The following SLC1A2 variants were observed in gnomAD, a reference collection of about 807,000 sequenced individuals.
SLC1A2 encodes excitatory amino acid transporter 2.
Under a neutral mutation model 48.8 loss-of-function variants are expected in SLC1A2, and 15 were observed. The observed-to-expected ratio is 0.31, with a 90% CI of 0.21 to 0.47. SLC1A2 has a LOEUF of 0.47. Ranked by LOEUF, SLC1A2 falls within the 20% of genes least tolerant of loss-of-function variation. The pLI is 0.99. For missense variants in SLC1A2, 502 were observed against 730.5 expected, an observed-to-expected ratio of 0.69 and a Z score of 3.61; for synonymous variants, 279 against 272.6, an observed-to-expected ratio of 1.02 and a Z score of -0.23.
At chr11:35,343,146 T>C in intron 1 of SLC1A2, among the ~76,000 whole-genome samples, 1 of 152,192 alleles carries the variant, frequency 6.6e-6, no homozygotes, top group Non-Finnish European at 1.5e-5. Context: ...TGCAGGAGAA[T>C]AGAAGCAGTT....
At chr11:35,287,286 C>CAAA (rs201920308) in intron 7 of SLC1A2, among the ~76,000 whole-genome samples, 1 of 121,522 alleles carries the variant, frequency 8.2e-6, no homozygotes, top group Non-Finnish European at 1.8e-5. Flanking sequence ...AATTGGGTTG[C>CAAA]AAAAAAAAAA....
chr11:35,263,567 C>T (rs574200075), intron 10 of SLC1A2, among the ~76,000 whole-genome samples: 1 of 152,282 alleles, frequency 6.6e-6, no homozygotes, highest in African/African-American at 2.4e-5. Flanking sequence ...CACGCCCACA[C>T]CTTCTTTTTC....
chr11:35,268,909 C>T (rs1850185293), intron 9 of SLC1A2, among the ~76,000 whole-genome samples: 1 of 152,166 alleles, frequency 6.6e-6, no homozygotes, highest in Non-Finnish European at 1.5e-5. Context: ...CACCCTGGAA[C>T]CACACAGCCC....
chr11:35,389,955 T>C (rs1854710272), intron 1 of SLC1A2, among the ~76,000 whole-genome samples: 1 of 152,218 alleles, frequency 6.6e-6, no homozygotes, highest in Admixed American at 6.5e-5. Flanking sequence ...GGATTTCTGT[T>C]TGCTATCTGT....
chr11:35,284,580 T>C (rs1195130537), intron 8 of SLC1A2, among the ~76,000 whole-genome samples: 4 of 151,128 alleles, frequency 2.6e-5, no homozygotes, highest in African/African-American at 7.3e-5. Flanking sequence ...TTAAACATGG[T>C]GAATTTTTTC....
At chr11:35,264,744 G>A (rs1950452004) in intron 10 of SLC1A2, 1 of 152,166 alleles carries the variant, frequency 6.6e-6, no homozygotes, top group Admixed American at 6.5e-5. Flanking sequence ...CACTTTTGGA[G>A]CAAGGTACTC....
At chr11:35,376,445 T>C (rs114727675) in intron 1 of SLC1A2, among the ~76,000 whole-genome samples, 2,438 of 152,284 alleles carry the variant, frequency 0.016, 60 homozygotes, top group African/African-American at 0.056. Context: ...TACGATACCA[T>C]TAAAGGAAGC....
intron 8 of SLC1A2, chr11:35,285,250 C>T (rs1850774985): frequency 6.6e-6 from 1 of 152,250 alleles, no homozygotes; most frequent in Non-Finnish European, 1.5e-5. Context: ...CACCCATAGC[C>T]ATGAGACCTA....
chr11:35,274,274 C>T (rs952806508), intron 9 of SLC1A2, among the ~76,000 whole-genome samples: 14 of 152,098 alleles, frequency 9.2e-5, no homozygotes, highest in Non-Finnish European at 1.8e-4. Flanking sequence ...GATTTTGCTG[C>T]GCAGAACTAT....
At chr11:35,291,914 C>T (rs1851022116) in intron 7 of SLC1A2, 1 of 186,584 alleles carries the variant, frequency 5.4e-6, no homozygotes, top group African/African-American at 2.4e-5. Flanking sequence ...TTTGTGATAG[C>T]ATTTTCCAAA....
Position 35,260,627 on chromosome 11 carries a change from C to G in SLC1A2, c.*267G>C. The G allele has an allele frequency of 2.4e-6, 1 of 424,456 alleles. No individual in the cohort carries two copies. The highest frequency in any genetic ancestry group is 4.3e-6 in the Non-Finnish European group (1 of 234,652). The allele number at this position is 424,456 out of a possible 1,614,324, so 26.3% of individuals were successfully genotyped here. On this transcript the variant is annotated 3_prime_UTR_variant, in exon 11 of 11. Coordinates refer to ENST00000278379, the MANE Select transcript of SLC1A2 (RefSeq NM_004171.4). ...AGGGAAGCTGGCAAGAACGTGTCTT[C>G]AATTCCAACTGATTCCTCCAGCAGC...
intron 1 of SLC1A2, among the ~76,000 whole-genome samples, chr11:35,357,840 T>C (rs1853537476): frequency 6.6e-6 from 1 of 152,152 alleles, no homozygotes; most frequent in Non-Finnish European, 1.5e-5. Context: ...GTTTAAGTTC[T>C]TTTTCTTTAA....
chr11:35,392,865 T>C (rs1031076802), intron 1 of SLC1A2, among the ~76,000 whole-genome samples: 1 of 152,242 alleles, frequency 6.6e-6, no homozygotes, highest in East Asian at 1.9e-4. Context: ...GTCTCAACTT[T>C]AGGTGTTTCA....
In SLC1A2 at chr11:35,257,735, C is replaced by A. The variant is rs1229495950; in HGVS notation, c.*3159G>T. 6.6e-6 allele frequency: 1 copy of A among 152,164 alleles called. No homozygotes were observed. The highest frequency in any genetic ancestry group is 1.9e-4 in the East Asian group (1 of 5,198). The allele number at this position is 152,164 out of a possible 1,614,324, so 9.4% of individuals were successfully genotyped here. On this transcript the variant is annotated 3_prime_UTR_variant, in exon 11 of 11. Transcript: ENST00000278379. Reference sequence around the variant, plus strand: ...GAATGAGAAAGAGAAGAATTAAAGTCTACTTAGTTGGTTTTCTCCTGAAAT... The same window carrying A: ...GAATGAGAAAGAGAAGAATTAAAGTATACTTAGTTGGTTTTCTCCTGAAAT...
chr11:35,375,678 G>A (rs938277631), intron 1 of SLC1A2, among the ~76,000 whole-genome samples: 5 of 152,186 alleles, frequency 3.3e-5, no homozygotes, highest in Non-Finnish European at 7.4e-5. Flanking sequence ...ACTCTGGTCA[G>A]AGCCACACAA....
chr11:35,275,506 A>G (rs560313226), intron 9 of SLC1A2, among the ~76,000 whole-genome samples: 11 of 152,316 alleles, frequency 7.2e-5, no homozygotes, highest in Admixed American at 5.9e-4. Flanking sequence ...ACCCAGGGGA[A>G]GGTTCTGGTT....
In SLC1A2 at chr11:35,265,763, G is replaced by A; in HGVS notation, c.1422-5C>T. ...ACTGAAGTTCTCATCCTGTCCCTGG[G>A]GACAAAGAACAGAAAAGGTTCAGTG... is the stretch of plus-strand genomic sequence containing the variant. On this transcript the variant is annotated splice_region_variant and splice_polypyrimidine_tract_variant and intron_variant, in intron 9 of 10. Coordinates refer to ENST00000278379, the MANE Select transcript of SLC1A2 (RefSeq NM_004171.4). 6.3e-7 allele frequency: 1 copy of A among 1,590,838 alleles called. No homozygotes were observed. Among genetic ancestry groups the A allele is most frequent in the Non-Finnish European group, 8.6e-7 (1 of 1,160,256 alleles).
At chr11:35,275,392 G>A (rs897720957) in intron 9 of SLC1A2, among the ~76,000 whole-genome samples, 1 of 152,110 alleles carries the variant, frequency 6.6e-6, no homozygotes, top group Non-Finnish European at 1.5e-5. Flanking sequence ...CCTGGTATTG[G>A]CTCCCATTTA....
intron 1 of SLC1A2, chr11:35,418,703 A>C: frequency 1.9e-6 from 1 of 537,710 alleles, no homozygotes; most frequent in Non-Finnish European, 3.3e-6. Context: ...TCAGGCCCCC[A>C]GCGCACCTTA....
Sources: gnomAD v4.1 joint callset for allele counts (sites outside exome capture counted in the v4.1 genomes callset) on GRCh38, gnomAD v4.1.1 for gene constraint, MANE v1.5 for transcripts, NCBI Gene and HGNC (gene_info 2026-07-23, HGNC 2026-07-21) for gene names.